MYO1D: variants seen among roughly 807,000 people sequenced by gnomAD.
MYO1D encodes myosin ID.
In MYO1D, 83 loss-of-function variants were observed where a neutral mutation model predicts 122.0. That is an observed-to-expected ratio of 0.68 (90% CI 0.57 to 0.82). The LOEUF is 0.82. Among genes scored for constraint, MYO1D ranks in the 40% least tolerant of loss-of-function variants. The probability of loss-of-function intolerance (pLI) is 0.00; values close to 1 mark genes in which losing one functional copy is unlikely to be tolerated. For missense variants in MYO1D, 1,157 were observed against 1,269.5 expected, an observed-to-expected ratio of 0.91 and a Z score of 1.35; for synonymous variants, 464 against 446.9, an observed-to-expected ratio of 1.04 and a Z score of -0.48.
At chr17:32,573,126 A>G (rs1478578888) in intron 21 of MYO1D, among the ~76,000 whole-genome samples, 1 of 152,202 alleles carries the variant, frequency 6.6e-6, no homozygotes, top group South Asian at 2.1e-4. Context: ...TAAGGCTTCT[A>G]TACTTTGGTT....
chr17:32,747,142 T>C (rs181103900), intron 12 of MYO1D, among the ~76,000 whole-genome samples: 7 of 152,344 alleles, frequency 4.6e-5, no homozygotes, highest in Admixed American at 3.3e-4. Flanking sequence ...GTGATAATTT[T>C]GAGCCATATT....
At chr17:32,714,402 T>C (rs1379829209) in intron 15 of MYO1D, among the ~76,000 whole-genome samples, 1 of 152,228 alleles carries the variant, frequency 6.6e-6, no homozygotes, top group Non-Finnish European at 1.5e-5. Flanking sequence ...GCATTACCTC[T>C]TTCCTTTTTA....
chr17:32,716,441 T>C (rs1194541969), intron 15 of MYO1D, among the ~76,000 whole-genome samples: 1 of 152,208 alleles, frequency 6.6e-6, no homozygotes, highest in Non-Finnish European at 1.5e-5. Context: ...TGTTCCCCAC[T>C]ATATACCATG....
At chr17:32,644,820 TG>T (rs2088263871) in intron 19 of MYO1D, among the ~76,000 whole-genome samples, 1 of 152,228 alleles carries the variant, frequency 6.6e-6, no homozygotes, top group Non-Finnish European at 1.5e-5. Flanking sequence ...ACATGTAAGA[TG>T]GGTTTCTTGA....
chr17:32,609,034 G>A (rs2087666213), intron 20 of MYO1D, among the ~76,000 whole-genome samples: 1 of 152,114 alleles, frequency 6.6e-6, no homozygotes, highest in Non-Finnish European at 1.5e-5. Flanking sequence ...GGAGTTTTTG[G>A]GGTATGGAAC....
chr17:32,681,161 G>C (rs1446573515), intron 16 of MYO1D, among the ~76,000 whole-genome samples: 2 of 151,700 alleles, frequency 1.3e-5, no homozygotes, highest in Non-Finnish European at 2.9e-5. Context: ...TATTAGTCTT[G>C]CTAGTGGTCT....
At chr17:32,818,965 A>G (rs1308908601) in intron 1 of MYO1D, among the ~76,000 whole-genome samples, 3 of 152,216 alleles carry the variant, frequency 2.0e-5, no homozygotes, top group Admixed American at 2.0e-4. Context: ...GGTTGACGTT[A>G]CTTCTTCCTT....
intron 16 of MYO1D, among the ~76,000 whole-genome samples, chr17:32,703,700 G>C (rs1350482768): frequency 6.6e-6 from 1 of 152,084 alleles, no homozygotes; most frequent in Non-Finnish European, 1.5e-5. Context: ...CCTCTTCCGA[G>C]ACAACAAAAT....
At chr17:32,739,603 G>T (rs905597778) in intron 13 of MYO1D, among the ~76,000 whole-genome samples, 1 of 151,194 alleles carries the variant, frequency 6.6e-6, no homozygotes, top group Non-Finnish European at 1.5e-5. Flanking sequence ...TAACAAACCT[G>T]CACGCTGTGC....
At chr17:32,525,675 TCAG>T (rs1482477381) in intron 21 of MYO1D, among the ~76,000 whole-genome samples, 3 of 152,116 alleles carry the variant, frequency 2.0e-5, no homozygotes, top group Non-Finnish European at 4.4e-5. Flanking sequence ...CCCAGAAATA[TCAG>T]TTCTGGGGCC....
chr17:32,844,265 A>G (rs1257190917), intron 1 of MYO1D, among the ~76,000 whole-genome samples: 1 of 147,098 alleles, frequency 6.8e-6, no homozygotes, highest in African/African-American at 2.5e-5. Context: ...TAATATGTAT[A>G]TATCATATAT....
At chr17:32,748,467 CCT>C (rs1255533310) in intron 12 of MYO1D, among the ~76,000 whole-genome samples, 1 of 152,122 alleles carries the variant, frequency 6.6e-6, no homozygotes, top group African/African-American at 2.4e-5. Flanking sequence ...TCTCTATACC[CCT>C]CTCAGTGGGT....
At chr17:32,552,042 C>T (rs530936534) in intron 21 of MYO1D, among the ~76,000 whole-genome samples, 3 of 152,312 alleles carry the variant, frequency 2.0e-5, no homozygotes, top group East Asian at 1.9e-4. Flanking sequence ...TCTCCCTCAT[C>T]GTACTTTGCA....
intron 21 of MYO1D, among the ~76,000 whole-genome samples, chr17:32,545,376 C>T (rs2150880952): frequency 6.6e-6 from 1 of 152,332 alleles, no homozygotes; most frequent in East Asian, 1.9e-4. Context: ...CATCAGTAAA[C>T]AGTGGCATAT....
intron 1 of MYO1D, among the ~76,000 whole-genome samples, chr17:32,864,920 G>C (rs2091111113): frequency 6.6e-6 from 1 of 152,104 alleles, no homozygotes. Flanking sequence ...AAACCGATAG[G>C]AAAGGTTGAA....
At chr17:32,559,071 C>T (rs2087094514) in intron 21 of MYO1D, among the ~76,000 whole-genome samples, 1 of 152,214 alleles carries the variant, frequency 6.6e-6, no homozygotes, top group Admixed American at 6.5e-5. Context: ...TAATAAGTAT[C>T]TCAGAACGTG....
At chr17:32,551,538 C>G (rs11652077) in intron 21 of MYO1D, among the ~76,000 whole-genome samples, 39,453 of 144,282 alleles carry the variant, frequency 0.27, 5,663 homozygotes, top group Non-Finnish European at 0.34. Context: ...CTATGTCCCC[C>G]CACCCACCAT....
chr17:32,563,197 T>C (rs535946763), intron 21 of MYO1D, among the ~76,000 whole-genome samples: 244 of 147,694 alleles, frequency 1.7e-3, no homozygotes, highest in Non-Finnish European at 3.0e-3. Flanking sequence ...AGCTCTTTTT[T>C]TCTTCTCTCT....
intron 1 of MYO1D, among the ~76,000 whole-genome samples, chr17:32,792,136 T>C (rs1399056581): frequency 6.6e-6 from 1 of 152,204 alleles, no homozygotes; most frequent in Non-Finnish European, 1.5e-5. Flanking sequence ...ACAATGCAAG[T>C]ATAAATACAA....
Sources: gnomAD v4.1 joint callset for allele counts (sites outside exome capture counted in the v4.1 genomes callset) on GRCh38, gnomAD v4.1.1 for gene constraint, MANE v1.5 for transcripts, NCBI Gene and HGNC (gene_info 2026-07-23, HGNC 2026-07-21) for gene names.